MTERF4: variants seen among roughly 807,000 people sequenced by gnomAD.
MTERF4 encodes the protein mitochondrial transcription termination factor 4, also known as transcription termination factor 4, mitochondrial.
A neutral mutation model predicts 22.5 loss-of-function variants in MTERF4; 17 were observed. The observed-to-expected ratio is 0.75, with a 90% CI of 0.52 to 1.13. MTERF4 has a LOEUF of 1.13. MTERF4 is among the 50% of genes most tolerant of loss of function. The pLI, the probability that MTERF4 is intolerant of heterozygous loss-of-function variation, is 0.00. For missense variants in MTERF4, 420 were observed against 466.8 expected, an observed-to-expected ratio of 0.90 and a Z score of 0.92; for synonymous variants, 165 against 175.3, an observed-to-expected ratio of 0.94 and a Z score of 0.47.
At chr2:241,097,192 C>T (rs867060809) in intron 3 of MTERF4, 51 bp downstream of exon 3, 1 of 1,590,610 alleles carries the variant, frequency 6.3e-7, no homozygotes, top group South Asian at 1.1e-5. Flanking sequence ...AATCCCATTA[C>T]CAGTCATTCT....
chr2:241,073,606 C>G lies in MTERF4; in HGVS notation n.2556G>C. On this transcript the variant is annotated non_coding_transcript_exon_variant, in exon 5 of 5. Transcript: ENST00000464344. This position sits in a 1 kb window ranked among gnomAD's most constrained non-coding sequence, Gnocchi z 6.6. ...AGGACCCACCCAAACCACCCAGAGT[C>G]TGAGCTAGAGAGACTGGCTTTGATG... 1 of 584,382 alleles carries G rather than the reference C, an allele frequency of 1.7e-6. No homozygotes were observed. Among genetic ancestry groups the G allele is most frequent in the East Asian group, 2.8e-5 (1 of 35,758 alleles). The allele number at this position is 584,382 out of a possible 1,614,324, so 36.2% of individuals were successfully genotyped here.
intron 2 of MTERF4, among the ~76,000 whole-genome samples, chr2:241,098,810 T>C (rs1490184094): frequency 6.6e-6 from 1 of 152,196 alleles, no homozygotes; most frequent in African/African-American, 2.4e-5. Context: ...ACATACCATA[T>C]GCCCACCACT....
At chr2:241,064,833 T>G in the MTERF4 span, 4 of 1,570,732 alleles carry the variant, frequency 2.5e-6, no homozygotes, top group Non-Finnish European at 8.6e-7. This position sits in a 1 kb window ranked among gnomAD's most constrained non-coding sequence, Gnocchi z 7.0. Flanking sequence ...TGCCACTTTT[T>G]CTCCCCTCAG....
chr2:241,068,757 C>G (rs926900573), downstream of MTERF4, among the ~76,000 whole-genome samples: 1 of 152,178 alleles, frequency 6.6e-6, no homozygotes, highest in African/African-American at 2.4e-5. This position sits in a 1 kb window ranked among gnomAD's most constrained non-coding sequence, Gnocchi z 5.3. Context: ...CTCTGAGGGC[C>G]ATGAGTCTGC....
chr2:241,062,178 A>G, the MTERF4 span, among the ~76,000 whole-genome samples: 1 of 152,336 alleles, frequency 6.6e-6, no homozygotes, highest in Non-Finnish European at 1.5e-5. Context: ...TTTTAAAGAC[A>G]AGGAAATTAT....
chr2:241,064,221 C>T, the MTERF4 span: 25 of 812,946 alleles, frequency 3.1e-5, no homozygotes, highest in African/African-American at 3.7e-4. The surrounding 1 kb of genome is among the most constrained non-coding windows in gnomAD (Gnocchi z 7.0). Context: ...TGCTCCCCGC[C>T]CTCTGCCCGC....
the MTERF4 span, among the ~76,000 whole-genome samples, chr2:241,066,453 T>A: frequency 1.3e-5 from 2 of 152,080 alleles, no homozygotes; most frequent in Non-Finnish European, 2.9e-5. Context: ...GCACAGGGGA[T>A]CTCGGAACAG....
downstream of MTERF4, chr2:241,068,961 G>A: frequency 6.4e-7 from 1 of 1,556,728 alleles, no homozygotes; most frequent in Non-Finnish European, 8.7e-7. The surrounding 1 kb of genome is among the most constrained non-coding windows in gnomAD (Gnocchi z 5.3). Flanking sequence ...ACCCTCAGTG[G>A]GCTCAGGGGA....
downstream of MTERF4, chr2:241,067,880 C>T (rs766479518): frequency 2.5e-5 from 40 of 1,613,524 alleles, no homozygotes; most frequent in Admixed American, 8.3e-5. Context: ...TGTGTCCATC[C>T]GCCACCCTGA....
chr2:241,071,712 G>GC (rs2062727208), downstream of MTERF4: 7 of 904,534 alleles, frequency 7.7e-6, no homozygotes, highest in Admixed American at 2.6e-5. Context: ...CCCCCACCCA[G>GC]CCCCCCAGGT....
chr2:241,077,742 GA>G (rs1303494463), intron 4 of MTERF4, among the ~76,000 whole-genome samples: 3 of 152,160 alleles, frequency 2.0e-5, no homozygotes, highest in East Asian at 1.9e-4. Flanking sequence ...TAATCACACC[GA>G]AAAGATCCTT....
the MTERF4 span, chr2:241,062,711 C>T: frequency 1.1e-6 from 1 of 890,780 alleles, no homozygotes; most frequent in Non-Finnish European, 1.8e-6. Flanking sequence ...TCTGTCTGGC[C>T]CCTCAGGACT....
At chr2:241,070,321 C>A, downstream of MTERF4, 2 of 1,089,442 alleles carry the variant, frequency 1.8e-6, no homozygotes, top group Non-Finnish European at 2.6e-6. Flanking sequence ...AGAAACAGGA[C>A]CGTGTTAGCA....
intron 2 of MTERF4, among the ~76,000 whole-genome samples, chr2:241,098,807 A>G (rs1023631547): frequency 5.3e-5 from 8 of 152,204 alleles, no homozygotes; most frequent in African/African-American, 1.9e-4. Context: ...AACACATACC[A>G]TATGCCCACC....
chr2:241,072,044 G>A (rs1373221915), downstream of MTERF4: 14 of 723,588 alleles, frequency 1.9e-5, no homozygotes, highest in Middle Eastern at 4.5e-4. Context: ...CTCGTGGGCC[G>A]CCGGCAGCAT....
rs754495581 is a variant in MTERF4, at chr2:241,099,788, A to C, written c.128T>G (p.Leu43Arg). ...RRTTASLLRK[L>R]TTASNGGVIE... is the part of the protein sequence containing the mutation. Reference sequence around the variant, plus strand: ...GACCCCTCCATTGGAGGCTGTAGTCAGTTTGCGCAACAAAGAAGCTGTCGT... The same window carrying C: ...GACCCCTCCATTGGAGGCTGTAGTCCGTTTGCGCAACAAAGAAGCTGTCGT... The change falls in exon 2 of 4, where the codon CTG (leucine) becomes CGG (arginine). Residue 43 changes from leucine (L) to arginine (R), a missense_variant. Coordinates refer to ENST00000391980, the MANE Select transcript of MTERF4 (RefSeq NM_182501.4). The C allele has an allele frequency of 5.6e-6, 9 of 1,614,176 alleles. No individual in the cohort carries two copies. The highest frequency in any genetic ancestry group is 1.6e-4 in the Middle Eastern group (1 of 6,062).
At chr2:241,101,934 T>C (rs2125391887) in intron 1 of MTERF4, among the ~76,000 whole-genome samples, 1 of 152,102 alleles carries the variant, frequency 6.6e-6, no homozygotes, top group South Asian at 2.1e-4. Flanking sequence ...GCGCCTGTAA[T>C]CCCAGCTACT....
chr2:241,066,879 G>T, the MTERF4 span, among the ~76,000 whole-genome samples: 1 of 152,200 alleles, frequency 6.6e-6, no homozygotes, highest in Admixed American at 6.5e-5. Flanking sequence ...GGCCCACAAG[G>T]GCCTGTCCTG....
chr2:241,078,251 CGG>C (rs2063133977), intron 4 of MTERF4, among the ~76,000 whole-genome samples: 1 of 151,508 alleles, frequency 6.6e-6, no homozygotes, highest in Non-Finnish European at 1.5e-5. Flanking sequence ...GGCGTGGTGG[CGG>C]GCGCCTGTAG....
Sources: allele counts gnomAD v4.1 joint callset (sites outside exome capture counted in the v4.1 genomes callset), GRCh38; gene constraint gnomAD v4.1.1; non-coding constraint Gnocchi (gnomAD v3.1); transcripts MANE v1.5; gene names NCBI Gene and HGNC (gene_info 2026-07-23, HGNC 2026-07-21).